Variants in SUSD6 observed in about 807,000 individuals in gnomAD.
SUSD6 encodes the protein sushi domain containing 6.
SUSD6 carries 16 observed loss-of-function variants against 28.4 expected under a neutral mutation model. The ratio of observed to expected loss-of-function variants is 0.56; its 90% CI spans 0.38 to 0.86. The LOEUF (loss-of-function observed/expected upper bound fraction) is 0.86. SUSD6 is among the 40% of genes least tolerant of loss of function. The probability of loss-of-function intolerance (pLI) is 0.00; values close to 1 mark genes in which losing one functional copy is unlikely to be tolerated. For missense variants in SUSD6, 341 were observed against 384.2 expected (o/e 0.89, Z 0.94); for synonymous variants, 147 against 159.6 (o/e 0.92, Z 0.59).
At chr14:69,640,612 C>T (rs962311031) in intron 1 of SUSD6, among the ~76,000 whole-genome samples, 2 of 152,198 alleles carry the variant, frequency 1.3e-5, no homozygotes, top group Non-Finnish European at 2.9e-5. Context: ...ACTGGGATTA[C>T]AGGCATGAGC....
At chr14:69,701,258 G>A (rs186168865) in intron 2 of SUSD6, among the ~76,000 whole-genome samples, 7 of 150,724 alleles carry the variant, frequency 4.6e-5, no homozygotes. Context: ...CCAGGATCCC[G>A]CTCAAAGATT....
chr14:69,698,806 T>C (rs1205899942), intron 2 of SUSD6, among the ~76,000 whole-genome samples: 3 of 152,246 alleles, frequency 2.0e-5, no homozygotes, highest in African/African-American at 7.2e-5. Flanking sequence ...TGAAAGCCTA[T>C]GTGGCTGTGG....
intron 1 of SUSD6, among the ~76,000 whole-genome samples, chr14:69,644,277 T>C (rs1234307314): frequency 6.6e-6 from 1 of 152,196 alleles, no homozygotes; most frequent in Non-Finnish European, 1.5e-5. Flanking sequence ...ATTCTCTCAT[T>C]AATTTATGAT....
intron 2 of SUSD6, among the ~76,000 whole-genome samples, chr14:69,681,690 T>C (rs1885999471): frequency 6.6e-6 from 1 of 152,188 alleles, no homozygotes; most frequent in Non-Finnish European, 1.5e-5. Flanking sequence ...GCTATAAAGA[T>C]GGGAAAAGTA....
At position 69,704,647 on chromosome 14, in the gene SUSD6, A is replaced by G. The variant is rs1886361194; in HGVS notation, c.363A>G (p.Ile121Met). Residue 121 changes from isoleucine (I) to methionine (M), a missense_variant, in exon 4 of 6, where the codon ATA (isoleucine) becomes ATG (methionine). By Grantham distance (10) the Ile-to-Met change is conservative. Transcript: ENST00000342745. ...HTSLGVPTLS[I>M]VASTASSVAL... is the part of the protein sequence containing the mutation. The stretch of plus-strand genomic sequence containing the variant: ...CACTTGGGGTCCCCACGCTGTCTAT[A>G]GTGGCTTCTACTGCCAGCTCCGTGG... 1 of 1,614,056 alleles carries G rather than the reference A, an allele frequency of 6.2e-7. No homozygotes were observed. Among genetic ancestry groups the G allele is most frequent in the Non-Finnish European group, 8.5e-7 (1 of 1,180,028 alleles).
intron 1 of SUSD6, among the ~76,000 whole-genome samples, chr14:69,635,204 G>C (rs1278315985): frequency 6.6e-6 from 1 of 152,190 alleles, no homozygotes; most frequent in Non-Finnish European, 1.5e-5. Flanking sequence ...CTTAGTGTCA[G>C]GTAGAGGAGG....
In SUSD6 at chr14:69,702,454, C is replaced by A. The variant is rs538447579; in HGVS notation, c.122-941C>A. On this transcript the variant is annotated intron_variant, in intron 2 of 5. Coordinates refer to ENST00000342745, the MANE Select transcript of SUSD6 (RefSeq NM_014734.4). ...AGACCTTCCAGATCCTCTGACTTAC[C>A]ATTACTGCAACTTACCAGGGTTCCC... 2.0e-4 allele frequency among the ~76,000 whole-genome samples: 31 copies of A among 152,264 alleles called. No individual in the cohort carries two copies. The South Asian group carries it at 4.1e-3, about 20-fold the overall frequency.
At chr14:69,646,700 CTT>C (rs61409476) in intron 1 of SUSD6, among the ~76,000 whole-genome samples, 3 of 109,214 alleles carry the variant, frequency 2.7e-5, no homozygotes. Flanking sequence ...TTTTTTCCAT[CTT>C]TTTTTTTTTT....
intron 2 of SUSD6, among the ~76,000 whole-genome samples, chr14:69,676,152 C>T (rs1306894754): frequency 6.6e-6 from 1 of 152,090 alleles, no homozygotes; most frequent in Non-Finnish European, 1.5e-5. Context: ...AGAGAATTAA[C>T]CCTGATGTCT....
chr14:69,667,969 G>A (rs375313981), intron 2 of SUSD6, among the ~76,000 whole-genome samples: 2 of 152,280 alleles, frequency 1.3e-5, no homozygotes, highest in South Asian at 4.1e-4. Context: ...TCCAACACAC[G>A]CATTGTGGGA....
chr14:69,704,885 C>A, intron 4 of SUSD6, 143 bp downstream of exon 4: 1 of 786,826 alleles, frequency 1.3e-6, no homozygotes, highest in South Asian at 1.7e-5. Flanking sequence ...TGCCATGTGT[C>A]AAACTCCTAG....
intron 2 of SUSD6, among the ~76,000 whole-genome samples, chr14:69,693,600 A>G (rs1216566069): frequency 6.6e-6 from 1 of 152,134 alleles, no homozygotes; most frequent in African/African-American, 2.4e-5. Context: ...CAAAAATCAG[A>G]GATAAGGGTT....
At chr14:69,616,307 A>G (rs1425882645) in intron 1 of SUSD6, among the ~76,000 whole-genome samples, 1 of 152,250 alleles carries the variant, frequency 6.6e-6, no homozygotes, top group Non-Finnish European at 1.5e-5. Flanking sequence ...TCATATTTCT[A>G]AGTCCAACCT....
chr14:69,628,586 GCTCAGTGCTTTAA>G (rs1181981430), intron 1 of SUSD6, among the ~76,000 whole-genome samples: 1 of 152,172 alleles, frequency 6.6e-6, no homozygotes, highest in Non-Finnish European at 1.5e-5. Flanking sequence ...CAGGCAGTGT[GCTCAGTGCTTTAA>G]CTCGGTAGGC....
intron 2 of SUSD6, among the ~76,000 whole-genome samples, chr14:69,667,400 G>A (rs1322442493): frequency 1.0e-4 from 13 of 124,314 alleles, no homozygotes; most frequent in African/African-American, 3.1e-4. Flanking sequence ...TTTTTGAGAC[G>A]GAGTCTCGCT....
At chr14:69,668,075 A>G (rs1390514257) in intron 2 of SUSD6, among the ~76,000 whole-genome samples, 2 of 152,284 alleles carry the variant, frequency 1.3e-5, no homozygotes, top group East Asian at 1.9e-4. Context: ...GGGCCCAGTG[A>G]GCAGTAGCAG....
intron 1 of SUSD6, among the ~76,000 whole-genome samples, chr14:69,619,002 T>C (rs1400034748): frequency 6.6e-6 from 1 of 152,178 alleles, no homozygotes; most frequent in African/African-American, 2.4e-5. Context: ...TTTAAAGAAA[T>C]GCAAGTGGGA....
chr14:69,687,454 A>C (rs1177863590), intron 2 of SUSD6, among the ~76,000 whole-genome samples: 1 of 152,240 alleles, frequency 6.6e-6, no homozygotes, highest in East Asian at 1.9e-4. Context: ...TATTTAAAAG[A>C]CTGGCCTGCT....
chr14:69,635,482 T>C (rs921095035), intron 1 of SUSD6, among the ~76,000 whole-genome samples: 2 of 152,150 alleles, frequency 1.3e-5, no homozygotes, highest in African/African-American at 4.8e-5. Context: ...CAGTGAGGTT[T>C]GGAAATCAGA....
Sources: gnomAD v4.1 joint callset for allele counts (sites outside exome capture counted in the v4.1 genomes callset) on GRCh38, gnomAD v4.1.1 for gene constraint, MANE v1.5 for transcripts, NCBI Gene and HGNC (gene_info 2026-07-23, HGNC 2026-07-21) for gene names.